PRKCH: variants seen among roughly 807,000 people sequenced by gnomAD.
The protein encoded by PRKCH is protein kinase C eta.
In PRKCH, 28 loss-of-function variants were observed where a neutral mutation model predicts 82.5. That is an observed-to-expected ratio of 0.34 (90% CI 0.25 to 0.47). The LOEUF (loss-of-function observed/expected upper bound fraction) is 0.47, where lower values mean the gene tolerates loss of function less well. Ranked by LOEUF, PRKCH falls within the 20% of genes least tolerant of loss-of-function variation. The pLI is 1.00. For missense variants in PRKCH, 705 were observed against 881.8 expected, an observed-to-expected ratio of 0.80 and a Z score of 2.54; for synonymous variants, 322 against 327.4, an observed-to-expected ratio of 0.98 and a Z score of 0.18.
chr14:61,426,097 C>T (rs13379465), intron 2 of PRKCH, among the ~76,000 whole-genome samples: 89,359 of 152,132 alleles, frequency 0.59, 28,344 homozygotes, highest in East Asian at 0.73. Flanking sequence ...TATGTCTTTA[C>T]AGCAGTGTGA....
chr14:61,403,371 T>A (rs577795491), intron 2 of PRKCH, among the ~76,000 whole-genome samples: 1 of 152,302 alleles, frequency 6.6e-6, no homozygotes, highest in African/African-American at 2.4e-5. Flanking sequence ...TGACACATAT[T>A]TGTGTATGTT....
chr14:61,336,000 C>A (rs1029811740), intron 1 of PRKCH, among the ~76,000 whole-genome samples: 1 of 152,182 alleles, frequency 6.6e-6, no homozygotes, highest in African/African-American at 2.4e-5. Context: ...CAAGCCTGTT[C>A]TCTCATCCAC....
chr14:61,353,883 G>A (rs1280028754), intron 1 of PRKCH: 2 of 152,138 alleles, frequency 1.3e-5, no homozygotes, highest in African/African-American at 4.8e-5. Flanking sequence ...GTTACAGTGG[G>A]CTATGATTGC....
rs116217913 is a variant in PRKCH, at chr14:61,521,712, G to A, written c.1434-7363G>A. On this transcript the variant is annotated intron_variant, in intron 10 of 13. Transcript: ENST00000332981. The stretch of plus-strand genomic sequence containing the variant: ...CCTCCCAAAGGGCTGGGATTCAGGC[G>A]TAAGCCACTGTGCCCGGCCTTAATC... Among the ~76,000 whole-genome samples, 851 of 152,202 alleles carry A rather than the reference G, an allele frequency of 5.6e-3. 9 individuals are homozygous for A. The highest frequency in any genetic ancestry group is 0.016 in the African/African-American group (666 of 41,534).
chr14:61,234,408 G>C (rs1000340838), intron 1 of PRKCH, among the ~76,000 whole-genome samples: 2 of 152,062 alleles, frequency 1.3e-5, no homozygotes, highest in Non-Finnish European at 2.9e-5. Flanking sequence ...GAATTGCATA[G>C]TCATCCCGGC....
chr14:61,254,151 T>C lies in PRKCH; in HGVS notation c.-19+66483T>C, dbSNP rs1021911247. The stretch of plus-strand genomic sequence containing the variant: ...CTCAGAGAGCTTTCAGTCTCTCTCA[T>C]GTTTTATCATTTGGATATAGATCAG... On this transcript the variant is annotated intron_variant, in intron 1 of 3. Transcript: ENST00000555185. Among the ~76,000 whole-genome samples the C allele has an allele frequency of 1.4e-4, 21 of 152,110 alleles. 1 individual carries two copies. Among genetic ancestry groups the C allele is most frequent in the Non-Finnish European group, 1.5e-5 (1 of 68,014 alleles).
At chr14:61,437,618 ATTAC>A (rs1191168959) in intron 2 of PRKCH, among the ~76,000 whole-genome samples, 1 of 152,040 alleles carries the variant, frequency 6.6e-6, no homozygotes. Flanking sequence ...TAGAAAATTT[ATTAC>A]TTTCTAGGGA....
intron 9 of PRKCH, among the ~76,000 whole-genome samples, chr14:61,459,568 A>G (rs1172721856): frequency 6.6e-6 from 1 of 152,196 alleles, no homozygotes; most frequent in Non-Finnish European, 1.5e-5. Context: ...TCCTGAGAGC[A>G]ATGGAAAGTC....
intron 2 of PRKCH, among the ~76,000 whole-genome samples, chr14:61,428,984 G>C (rs1224188032): frequency 6.6e-6 from 1 of 152,060 alleles, no homozygotes; most frequent in Non-Finnish European, 1.5e-5. Flanking sequence ...TGTCATAGTT[G>C]ACATTCCATC....
At chr14:61,374,608 A>G (rs755263909) in intron 1 of PRKCH, among the ~76,000 whole-genome samples, 1 of 152,050 alleles carries the variant, frequency 6.6e-6, no homozygotes, top group Non-Finnish European at 1.5e-5. Context: ...GAAGTTGCCA[A>G]GGCTTGAGGC....
intron 9 of PRKCH, among the ~76,000 whole-genome samples, chr14:61,478,124 G>A (rs1885811648): frequency 6.6e-6 from 1 of 152,204 alleles, no homozygotes; most frequent in Non-Finnish European, 1.5e-5. Flanking sequence ...ATGATGATGA[G>A]GATAATAATA....
chr14:61,428,939 T>C (rs1417564478), intron 2 of PRKCH, among the ~76,000 whole-genome samples: 1 of 152,226 alleles, frequency 6.6e-6, no homozygotes, highest in African/African-American at 2.4e-5. Context: ...TATAGTTTTT[T>C]CTTTTTTTGC....
intron 1 of PRKCH, among the ~76,000 whole-genome samples, chr14:61,271,434 G>A (rs2045153299): frequency 6.6e-6 from 1 of 152,086 alleles, no homozygotes; most frequent in African/African-American, 2.4e-5. Context: ...CTTTTTCAGG[G>A]CTGTCTTGAC....
At chr14:61,297,803 G>A (rs941601269) in intron 1 of PRKCH, among the ~76,000 whole-genome samples, 1 of 152,124 alleles carries the variant, frequency 6.6e-6, no homozygotes, top group Non-Finnish European at 1.5e-5. Context: ...TTAACTGTTC[G>A]TGGCCTGGGG....
chr14:61,349,634 G>A (rs2046044168), intron 1 of PRKCH, among the ~76,000 whole-genome samples: 1 of 152,120 alleles, frequency 6.6e-6, no homozygotes, highest in African/African-American at 2.4e-5. Context: ...AGGCCGAGGT[G>A]GGTGGATTAC....
At chr14:61,467,092 G>C (rs963964660) in intron 9 of PRKCH, among the ~76,000 whole-genome samples, 1 of 152,150 alleles carries the variant, frequency 6.6e-6, no homozygotes, top group Non-Finnish European at 1.5e-5. Flanking sequence ...GCGAAGAAGT[G>C]GGAGAGGCAG....
At chr14:61,486,437 C>G (rs192215646) in intron 10 of PRKCH, among the ~76,000 whole-genome samples, 1 of 152,216 alleles carries the variant, frequency 6.6e-6, no homozygotes, top group East Asian at 1.9e-4. Context: ...ATCTTTTGAT[C>G]ATAATATACC....
At chr14:61,211,369 C>T (rs1471651971) in intron 1 of PRKCH, among the ~76,000 whole-genome samples, 2 of 152,170 alleles carry the variant, frequency 1.3e-5, no homozygotes, top group African/African-American at 2.4e-5. Context: ...CGTGACCATC[C>T]CTATCCCAGA....
intron 1 of PRKCH, among the ~76,000 whole-genome samples, chr14:61,195,499 C>T (rs543118993): frequency 4.2e-4 from 64 of 152,248 alleles, no homozygotes; most frequent in Non-Finnish European, 7.2e-4. Context: ...GAGGCATGTT[C>T]TTCATAAAAT....
Sources: gnomAD v4.1 joint callset for allele counts (sites outside exome capture counted in the v4.1 genomes callset) on GRCh38, gnomAD v4.1.1 for gene constraint, MANE v1.5 for transcripts, NCBI Gene and HGNC (gene_info 2026-07-23, HGNC 2026-07-21) for gene names.